DDX60: variants seen among roughly 807,000 people sequenced by gnomAD.
The protein encoded by DDX60 is DExD/H-box helicase 60.
DDX60 carries 165 observed loss-of-function variants against 212.8 expected under a neutral mutation model. That is an observed-to-expected ratio of 0.78 (90% CI 0.68 to 0.88). The LOEUF (loss-of-function observed/expected upper bound fraction) is 0.88, where lower values mean the gene tolerates loss of function less well. DDX60 is among the 40% of genes least tolerant of loss of function. DDX60 has a pLI of 0.00. For synonymous variants in DDX60, 703 were observed against 685.3 expected, an observed-to-expected ratio of 1.03 and a Z score of -0.40; for missense variants, 1,905 against 2,003.9, an observed-to-expected ratio of 0.95 and a Z score of 0.94.
At position 168,311,266 on chromosome 4, in the gene DDX60, T is replaced by G; in HGVS notation, c.-7A>C. Reference sequence around the variant, plus strand: ...TAAGTGGAAAATTACCCATTCTTGCTGCTGCCTGTGCCTCCAACCTGAACT... The same window carrying G: ...TAAGTGGAAAATTACCCATTCTTGCGGCTGCCTGTGCCTCCAACCTGAACT... On this transcript the variant is annotated 5_prime_UTR_variant, in exon 2 of 38. Transcript: ENST00000393743. The G allele has an allele frequency of 6.2e-7, 1 of 1,612,570 alleles. No homozygotes were observed. The highest frequency in any genetic ancestry group is 1.1e-5 in the South Asian group (1 of 90,928).
At chr4:168,252,160 T>C (rs1330983559) in intron 27 of DDX60, among the ~76,000 whole-genome samples, 3 of 152,152 alleles carry the variant, frequency 2.0e-5, no homozygotes, top group Admixed American at 6.5e-5. Flanking sequence ...AACAATGTAA[T>C]AGAAACAAAT....
Position 168,252,577 on chromosome 4 carries a change from A to T in DDX60, c.3637T>A (p.Cys1213Ser). The stretch of plus-strand genomic sequence containing the variant: ...GGGATTTCCAGGTTCTTCTCTAGAC[A>T]CTTCACTAGATTATCATGTTCAGCT... ...HEAEHDNLVKCLEKNLEIPQD... is the reference protein window; with the variant it reads ...HEAEHDNLVKSLEKNLEIPQD... The change falls in exon 27 of 38, where the codon TGT (cysteine) becomes AGT (serine). Residue 1213 changes from cysteine (C) to serine (S), a missense_variant. Coordinates refer to ENST00000393743, the MANE Select transcript of DDX60 (RefSeq NM_017631.6). The T allele has an allele frequency of 6.2e-7, 1 of 1,613,876 alleles. No homozygotes were observed. Among genetic ancestry groups the T allele is most frequent in the Non-Finnish European group, 8.5e-7 (1 of 1,179,880 alleles).
Position 168,216,774 on chromosome 4 carries a change from G to A in DDX60, c.*159C>T. Reference sequence around the variant, plus strand: ...ATGACAGAACATGGCAGGTTTGATTGCAACTCTGTTTGATTCCAAAGTGTT... The same window carrying A: ...ATGACAGAACATGGCAGGTTTGATTACAACTCTGTTTGATTCCAAAGTGTT... On this transcript the variant is annotated 3_prime_UTR_variant, in exon 38 of 38. Transcript: ENST00000393743. 1.9e-6 allele frequency: 1 copy of A among 520,192 alleles called. No individual in the cohort carries two copies. The highest frequency in any genetic ancestry group is 2.9e-5 in the South Asian group (1 of 34,692). The allele number at this position is 520,192 out of a possible 1,614,324, so 32.2% of individuals were successfully genotyped here. A position where few individuals can be genotyped will look rare whatever the true frequency, so the allele number is the denominator to read the frequency against.
Position 168,273,304 on chromosome 4 carries a change from T to A in DDX60, c.2549A>T (p.Tyr850Phe). The part of the protein sequence containing the change: ...EVLCGVFTRE[Y>F]RHDALNCQVL... Reference sequence around the variant, plus strand: ...CTGACAGTTTAAGGCATCATGACGATACTCCCTGGTGAAAACACCACAGAG... The same window carrying A: ...CTGACAGTTTAAGGCATCATGACGAAACTCCCTGGTGAAAACACCACAGAG... The change falls in exon 18 of 38, where the codon TAT (tyrosine) becomes TTT (phenylalanine). Residue 850 changes from tyrosine (Y) to phenylalanine (F), a missense_variant. By Grantham distance (22) the Tyr-to-Phe change is conservative. Transcript: ENST00000393743. The A allele has an allele frequency of 1.9e-6, 3 of 1,613,944 alleles. No individual in the cohort carries two copies. The highest frequency in any genetic ancestry group is 2.5e-6 in the Non-Finnish European group (3 of 1,179,868).
chr4:168,261,472 T>C (rs1369288973), intron 24 of DDX60, among the ~76,000 whole-genome samples: 2 of 152,234 alleles, frequency 1.3e-5, no homozygotes, highest in Non-Finnish European at 2.9e-5. Context: ...AAGTCTAATA[T>C]ATGTCATTCC....
intron 1 of DDX60, among the ~76,000 whole-genome samples, chr4:168,312,700 TATAG>T (rs1280148592): frequency 3.4e-5 from 3 of 89,108 alleles, no homozygotes; most frequent in African/African-American, 1.7e-4. Flanking sequence ...GATTGATTGA[TATAG>T]ATAGATATAG....
Position 168,288,226 on chromosome 4 carries a change from A to G in DDX60, c.1131T>C (p.Asp377=). The change falls in exon 9 of 38, where the codon GAT becomes GAC. Residue 377 remains aspartate (D), a synonymous_variant. Transcript: ENST00000393743. ...LNLIHLSDLN[D]ELLLKNIAFY... ...AAGCAATATTCTTCAACAAAAGCTC[A>G]TCATTTAAGTCAGAAAGGTGAATTA... is the stretch of plus-strand genomic sequence containing the variant. 1.3e-6 allele frequency: 2 copies of G among 1,520,938 alleles called. No homozygotes were observed. Among genetic ancestry groups the G allele is most frequent in the Non-Finnish European group, 1.8e-6 (2 of 1,112,996 alleles). The allele number at this position is 1,520,938 out of a possible 1,614,324, so 94.2% of individuals were successfully genotyped here.
At chr4:168,311,442 T>G in intron 1 of DDX60, 77 bp from the exon 2 acceptor site, 1 of 573,492 alleles carries the variant, frequency 1.7e-6, no homozygotes, top group South Asian at 2.7e-5. Context: ...AAGCAAAATA[T>G]TAGACACAAG....
In DDX60 at chr4:168,242,772, G is replaced by T. The variant is rs1489356664; in HGVS notation, c.4164+3646C>A. On this transcript the variant is annotated intron_variant, in intron 30 of 37. Coordinates refer to ENST00000393743, the MANE Select transcript of DDX60 (RefSeq NM_017631.6). Reference sequence around the variant, plus strand: ...TAATGCTGAAATGAGTTAAGACTCTGGGAGACTGTTAGAAAGGCATGATTG... The same window carrying T: ...TAATGCTGAAATGAGTTAAGACTCTTGGAGACTGTTAGAAAGGCATGATTG... Among the ~76,000 whole-genome samples, 9 of 152,102 alleles carry T rather than the reference G, an allele frequency of 5.9e-5. 1 individual carries two copies. The highest frequency in any genetic ancestry group is 5.8e-4 in the East Asian group (3 of 5,184).
chr4:168,239,931 C>T (rs543754115), intron 30 of DDX60, among the ~76,000 whole-genome samples: 1 of 152,174 alleles, frequency 6.6e-6, no homozygotes, highest in African/African-American at 2.4e-5. Flanking sequence ...TATATGCCCT[C>T]TCTCACCACT....
At chr4:168,259,156 G>A (rs7673551) in intron 25 of DDX60, among the ~76,000 whole-genome samples, 51,593 of 151,882 alleles carry the variant, frequency 0.34, 9,010 homozygotes, top group African/African-American at 0.43. Context: ...CTATTGATTT[G>A]TCTTATATCA....
chr4:168,308,815 A>C (rs1318120919), intron 3 of DDX60, among the ~76,000 whole-genome samples: 1 of 151,198 alleles, frequency 6.6e-6, no homozygotes, highest in Non-Finnish European at 1.5e-5. Context: ...AATTTGTGAA[A>C]ATTTGTGACT....
chr4:168,236,518 C>T (rs573227659), intron 32 of DDX60, 145 bp from the exon 33 acceptor site: 52 of 681,840 alleles, frequency 7.6e-5, no homozygotes, highest in Admixed American at 3.9e-4. Flanking sequence ...ACCATATATC[C>T]GCTAATAGTT....
In DDX60 at chr4:168,293,940, G is replaced by C; in HGVS notation, c.729C>G (p.His243Gln). 1 of 1,599,074 alleles carries C rather than the reference G, an allele frequency of 6.3e-7. No homozygotes were observed. The highest frequency in any genetic ancestry group is 8.5e-7 in the Non-Finnish European group (1 of 1,176,396). Reference protein sequence around the residue: ...LKWNNITEEAHKTVSLLTQVW... With the variant: ...LKWNNITEEAQKTVSLLTQVW... The stretch of plus-strand genomic sequence containing the variant: ...CTTGTGTAAGCAGAGATACAGTCTT[G>C]TGTGCCTGTCAAAGAAAAAAATTGT... The change falls in exon 7 of 38, where the codon CAC becomes CAG. Residue 243 changes from histidine to glutamine, a missense_variant. Transcript: ENST00000393743.
chr4:168,218,454 A>G (rs1037134884), intron 37 of DDX60, among the ~76,000 whole-genome samples: 1 of 152,118 alleles, frequency 6.6e-6, no homozygotes, highest in Non-Finnish European at 1.5e-5. Flanking sequence ...ACTCTTCTGC[A>G]TCATATTTCA....
intron 28 of DDX60, among the ~76,000 whole-genome samples, chr4:168,249,969 CA>C (rs1734157079): frequency 6.6e-6 from 1 of 152,020 alleles, no homozygotes; most frequent in Non-Finnish European, 1.5e-5. Flanking sequence ...ATACAAAATT[CA>C]ATGTGAATAA....
At chr4:168,245,372 A>G (rs955125806) in intron 30 of DDX60, among the ~76,000 whole-genome samples, 3 of 152,230 alleles carry the variant, frequency 2.0e-5, no homozygotes, top group African/African-American at 7.2e-5. Context: ...ATGAATGAAG[A>G]TAATAATATT....
At chr4:168,315,352 T>C (rs1041321067) in intron 1 of DDX60, among the ~76,000 whole-genome samples, 3 of 152,242 alleles carry the variant, frequency 2.0e-5, no homozygotes, top group Admixed American at 6.5e-5. Flanking sequence ...AGTGATTCAA[T>C]TCATGGAGGA....
chr4:168,220,267 G>C (rs144015682), intron 37 of DDX60, among the ~76,000 whole-genome samples: 2,728 of 152,258 alleles, frequency 0.018, 35 homozygotes, highest in Non-Finnish European at 0.03. Context: ...ATATAAACTA[G>C]AGACCGGATG....
Sources: allele counts gnomAD v4.1 joint callset (sites outside exome capture counted in the v4.1 genomes callset), GRCh38; gene constraint gnomAD v4.1.1; transcripts MANE v1.5; gene names NCBI Gene and HGNC (gene_info 2026-07-23, HGNC 2026-07-21).